Variants in CSMD1 observed in about 807,000 individuals in gnomAD.
CSMD1 encodes CUB and Sushi multiple domains 1.
A neutral mutation model predicts 417.5 loss-of-function variants in CSMD1; 213 were observed. The observed-to-expected ratio is 0.51, with a 90% confidence interval of 0.46 to 0.57. The LOEUF is 0.57. CSMD1 is among the 20% of genes least tolerant of loss of function. The pLI is 0.00. For synonymous variants in CSMD1, 2,862 were observed against 1,736.8 expected, an observed-to-expected ratio of 1.65 and a Z score of -16.11; for missense variants, 6,923 against 4,529.7, an observed-to-expected ratio of 1.53 and a Z score of -15.17.
chr8:3,082,154 T>C (rs1383376594), intron 49 of CSMD1, among the ~76,000 whole-genome samples: 1 of 152,236 alleles, frequency 6.6e-6, no homozygotes, highest in Non-Finnish European at 1.5e-5. Context: ...TCTGGAAGTC[T>C]TCATATCCCT....
At chr8:4,678,623 A>G (rs996738940) in intron 1 of CSMD1, among the ~76,000 whole-genome samples, 3 of 152,204 alleles carry the variant, frequency 2.0e-5, no homozygotes, top group South Asian at 2.1e-4. Context: ...TTACATTACT[A>G]CTAAAAACAT....
At chr8:4,849,866 T>C (rs995454121) in intron 1 of CSMD1, among the ~76,000 whole-genome samples, 1 of 152,232 alleles carries the variant, frequency 6.6e-6, no homozygotes, top group African/African-American at 2.4e-5. Flanking sequence ...TAACTGTATA[T>C]GTTTTCATTG....
At chr8:3,970,433 A>C (rs1014129210) in intron 5 of CSMD1, among the ~76,000 whole-genome samples, 3 of 152,184 alleles carry the variant, frequency 2.0e-5, no homozygotes, top group African/African-American at 7.2e-5. Context: ...TTATTACCCC[A>C]GGACATGGCC....
intron 3 of CSMD1, among the ~76,000 whole-genome samples, chr8:4,239,309 C>T (rs933087612): frequency 6.6e-6 from 1 of 152,208 alleles, no homozygotes; most frequent in African/African-American, 2.4e-5. Context: ...GTGGGCAACA[C>T]CAGTGCTAAG....
At chr8:3,211,700 C>T (rs1797618211) in intron 30 of CSMD1, among the ~76,000 whole-genome samples, 1 of 152,184 alleles carries the variant, frequency 6.6e-6, no homozygotes, top group African/African-American at 2.4e-5. Flanking sequence ...GGTCACTCTG[C>T]AGGGCGCACC....
intron 10 of CSMD1, among the ~76,000 whole-genome samples, chr8:3,551,045 A>G (rs556074307): frequency 6.4e-4 from 98 of 152,290 alleles, no homozygotes; most frequent in African/African-American, 2.3e-3. Context: ...TCTAAATGTA[A>G]TTGCCACTCT....
At chr8:3,297,245 T>G (rs768249373) in intron 25 of CSMD1, among the ~76,000 whole-genome samples, 22 of 152,184 alleles carry the variant, frequency 1.4e-4, no homozygotes, top group African/African-American at 2.2e-4. Flanking sequence ...AGATGTCAGT[T>G]TTCCCCAGAA....
At chr8:4,071,339 C>G (rs1447756855) in intron 3 of CSMD1, among the ~76,000 whole-genome samples, 2 of 152,132 alleles carry the variant, frequency 1.3e-5, no homozygotes, top group Admixed American at 6.6e-5. Flanking sequence ...CTAACATCAT[C>G]AAGCTCCCTA....
chr8:4,600,919 G>C (rs893105639), intron 2 of CSMD1, among the ~76,000 whole-genome samples: 10 of 150,808 alleles, frequency 6.6e-5, no homozygotes, highest in African/African-American at 2.4e-4. Flanking sequence ...TTAAAGTAAT[G>C]TAAAAATGCC....
chr8:4,070,464 T>A (rs1368731188), intron 3 of CSMD1, among the ~76,000 whole-genome samples: 1 of 152,058 alleles, frequency 6.6e-6, no homozygotes, highest in Non-Finnish European at 1.5e-5. Context: ...TTCACACCAT[T>A]CTCCCACCTC....
intron 25 of CSMD1, among the ~76,000 whole-genome samples, chr8:3,298,053 T>G (rs188352047): frequency 3.9e-5 from 6 of 152,266 alleles, no homozygotes; most frequent in East Asian, 1.9e-4. Flanking sequence ...ACACCCCCAG[T>G]AGAATGGCTA....
At position 3,783,058 on chromosome 8, in the gene CSMD1, T is replaced by C. The variant is rs73658264; in HGVS notation, c.819-29016A>G. On this transcript the variant is annotated intron_variant, in intron 5 of 69. Coordinates refer to ENST00000635120, the MANE Select transcript of CSMD1 (RefSeq NM_033225.6). ...TCTTCTGTACTGACACTTCCTACTGTTGAAAGCAAGTCCCCATCTCCCCAT... is the reference window on the plus strand; with the variant it reads ...TCTTCTGTACTGACACTTCCTACTGCTGAAAGCAAGTCCCCATCTCCCCAT... Among the ~76,000 whole-genome samples, 578 of 152,254 alleles carry C rather than the reference T, an allele frequency of 3.8e-3. 2 individuals are homozygous for C. The highest frequency in any genetic ancestry group is 0.013 in the African/African-American group (531 of 41,546).
chr8:4,679,774 A>C (rs955280051), intron 1 of CSMD1, among the ~76,000 whole-genome samples: 1 of 152,200 alleles, frequency 6.6e-6, no homozygotes, highest in Non-Finnish European at 1.5e-5. Context: ...CTTTATGCTA[A>C]GTAATATGTG....
intron 2 of CSMD1, among the ~76,000 whole-genome samples, chr8:4,633,136 T>C (rs1279220372): frequency 1.3e-5 from 2 of 152,186 alleles, no homozygotes; most frequent in Admixed American, 6.5e-5. Context: ...CATTGGTCTA[T>C]GTGAACGCTC....
chr8:3,576,791 G>C (rs1390301266), intron 9 of CSMD1, among the ~76,000 whole-genome samples: 1 of 152,122 alleles, frequency 6.6e-6, no homozygotes, highest in Non-Finnish European at 1.5e-5. Context: ...ATAAACTTTA[G>C]ATGTGAAATC....
At position 4,377,306 on chromosome 8, in the gene CSMD1, C is replaced by T. The variant is rs1278612263; in HGVS notation, c.415+42647G>A. ...AGCAAAAGGGAGGAGGAGAAGTCACCACAGCCCAAAACCTTGGTCGGGGGA... is the reference window on the plus strand; with the variant it reads ...AGCAAAAGGGAGGAGGAGAAGTCACTACAGCCCAAAACCTTGGTCGGGGGA... On this transcript the variant is annotated intron_variant, in intron 3 of 69. Coordinates refer to ENST00000635120, the MANE Select transcript of CSMD1 (RefSeq NM_033225.6). Among the ~76,000 whole-genome samples, 5 of 152,100 alleles carry T rather than the reference C, an allele frequency of 3.3e-5. No homozygotes were observed. In the East Asian group the frequency reaches 9.6e-4, roughly 29 times the overall value.
At chr8:4,237,837 G>C (rs562253565) in intron 3 of CSMD1, among the ~76,000 whole-genome samples, 1 of 152,152 alleles carries the variant, frequency 6.6e-6, no homozygotes, top group Admixed American at 6.5e-5. Flanking sequence ...AAAAAGGGAA[G>C]CTTTATATTG....
chr8:3,824,130 T>C (rs1300361697), intron 5 of CSMD1, among the ~76,000 whole-genome samples: 1 of 152,064 alleles, frequency 6.6e-6, no homozygotes, highest in Non-Finnish European at 1.5e-5. Flanking sequence ...GGAAGAAATA[T>C]CTCATTCACC....
intron 1 of CSMD1, among the ~76,000 whole-genome samples, chr8:4,638,839 T>C (rs912543319): frequency 3.3e-5 from 5 of 152,318 alleles, no homozygotes; most frequent in Non-Finnish European, 7.4e-5. Flanking sequence ...CACTGAGCAG[T>C]GTCTGAGGAA....
Sources: allele counts gnomAD v4.1 joint callset (sites outside exome capture counted in the v4.1 genomes callset), GRCh38; gene constraint gnomAD v4.1.1; transcripts MANE v1.5; gene names NCBI Gene and HGNC (gene_info 2026-07-23, HGNC 2026-07-21).